Variants in KCNH1 observed in about 807,000 individuals in gnomAD.
KCNH1 encodes the protein voltage-gated delayed rectifier potassium channel KCNH1.
KCNH1 carries 27 observed loss-of-function variants against 69.2 expected under a neutral mutation model. The ratio of observed to expected loss-of-function variants is 0.39; its 90% CI spans 0.29 to 0.54. The LOEUF is 0.54. KCNH1 is among the 20% of genes least tolerant of loss of function. The probability of loss-of-function intolerance (pLI) is 0.68; values close to 1 mark genes in which losing one functional copy is unlikely to be tolerated. For missense variants in KCNH1, 798 were observed against 1,261.6 expected (o/e 0.63, Z 5.57); for synonymous variants, 456 against 487.7 (o/e 0.93, Z 0.86).
chr1:210,910,822 T>C (rs1183025792), intron 7 of KCNH1, among the ~76,000 whole-genome samples: 1 of 152,260 alleles, frequency 6.6e-6, no homozygotes. Context: ...TTAATACTGT[T>C]ATTACTTACC....
chr1:210,994,425 A>T (rs1439257729), intron 6 of KCNH1, among the ~76,000 whole-genome samples: 2 of 152,206 alleles, frequency 1.3e-5, no homozygotes, highest in Non-Finnish European at 2.9e-5. Flanking sequence ...AGAAGATTAT[A>T]CAACATAAAA....
chr1:210,915,752 A>ATTTAG (rs1687322208), intron 7 of KCNH1, among the ~76,000 whole-genome samples: 1 of 152,176 alleles, frequency 6.6e-6, no homozygotes, highest in African/African-American at 2.4e-5. Flanking sequence ...GCTTGAAAAT[A>ATTTAG]TTTAGTTTTC....
At chr1:210,843,786 G>A (rs769546243) in intron 7 of KCNH1, among the ~76,000 whole-genome samples, 54 of 152,266 alleles carry the variant, frequency 3.5e-4, no homozygotes, top group Non-Finnish European at 6.0e-4. Flanking sequence ...AGCTATCAGC[G>A]TCATCTAGTT....
chr1:210,881,614 C>G (rs911507259), intron 7 of KCNH1, among the ~76,000 whole-genome samples: 6 of 152,090 alleles, frequency 3.9e-5, no homozygotes, highest in Non-Finnish European at 8.8e-5. Flanking sequence ...TTCATAATTG[C>G]CAAAACTTGG....
intron 6 of KCNH1, among the ~76,000 whole-genome samples, chr1:210,977,052 A>C (rs1040084915): frequency 6.6e-6 from 1 of 152,238 alleles, no homozygotes; most frequent in Admixed American, 6.5e-5. Flanking sequence ...ACTTGGAACC[A>C]ACCCAAATGT....
At position 210,865,519 on chromosome 1, in the gene KCNH1, G is replaced by GA. The variant is rs373058938; in HGVS notation, c.1462+54120dup. Among the ~76,000 whole-genome samples the GA allele has an allele frequency of 4.1e-3, 596 of 146,210 alleles. 4 individuals are homozygous for GA. Among genetic ancestry groups the GA allele is most frequent in the Non-Finnish European group, 3.5e-3 (228 of 66,040 alleles). ...AGGGCAGTAGGAATAAGGTAGCAAA[G>GA]AAAAAAAAAAGGCAGCTGTTCATTT... On this transcript the variant is annotated intron_variant, in intron 7 of 10. Transcript: ENST00000271751.
intron 7 of KCNH1, among the ~76,000 whole-genome samples, chr1:210,851,454 A>G (rs1408731062): frequency 6.6e-6 from 1 of 152,214 alleles, no homozygotes; most frequent in Non-Finnish European, 1.5e-5. Flanking sequence ...TTAGTGTCAT[A>G]CCTCTGCCAT....
chr1:211,050,260 T>TAAAAAAAAAAAAAAAAAAAAAAAAAAAAA lies in KCNH1; in HGVS notation c.559-31033_559-31005dup, dbSNP rs747498526. ...AGGACAAACTCAGCCCACACATTCT[T>TAAAAAAAAAAAAAAAAAAAAAAAAAAAAA]AAAAAAAAAAAAAAAAAAAAAAAAA... On this transcript the variant is annotated intron_variant, in intron 5 of 10. Coordinates refer to ENST00000271751, the MANE Select transcript of KCNH1 (RefSeq NM_172362.3). Among the ~76,000 whole-genome samples the TAAAAAAAAAAAAAAAAAAAAAAAAAAAAA allele has an allele frequency of 1.0e-4, 6 of 58,576 alleles. 2 individuals carry two copies. The highest frequency in any genetic ancestry group is 1.2e-4 in the Non-Finnish European group (4 of 32,570). 38.4% of individuals were successfully genotyped at this position (58,576 alleles called of 152,430 possible). A position where few individuals can be genotyped will look rare whatever the true frequency, so the allele number is the denominator to read the frequency against.
At chr1:210,943,398 G>C (rs984861774) in intron 6 of KCNH1, among the ~76,000 whole-genome samples, 2 of 151,668 alleles carry the variant, frequency 1.3e-5, no homozygotes, top group African/African-American at 4.9e-5. Context: ...GCCCAGGCTG[G>C]AGTGCAGTGG....
intron 5 of KCNH1, among the ~76,000 whole-genome samples, chr1:211,050,281 A>AAAAAAAAAAAAAAAAAAAAAG (rs1690176287): frequency 6.8e-6 from 1 of 147,282 alleles, no homozygotes; most frequent in Admixed American, 6.8e-5. Context: ...AAAAAAAAAA[A>AAAAAAAAAAAAAAAAAAAAAG]AAAAAAAAAG....
chr1:210,862,281 C>T, intron 7 of KCNH1: 2 of 943,878 alleles, frequency 2.1e-6, no homozygotes, highest in Non-Finnish European at 3.4e-6. Flanking sequence ...TGTTGGGGTC[C>T]ATTGCAGCAT....
intron 9 of KCNH1, among the ~76,000 whole-genome samples, chr1:210,784,944 C>T (rs941772493): frequency 3.3e-5 from 5 of 152,138 alleles, no homozygotes; most frequent in African/African-American, 1.2e-4. Flanking sequence ...CCATCTCTCT[C>T]CACGCAGTTC....
chr1:210,965,154 G>A (rs1040717315), intron 6 of KCNH1, among the ~76,000 whole-genome samples: 17 of 152,072 alleles, frequency 1.1e-4, no homozygotes, highest in African/African-American at 3.6e-4. Context: ...TACTGAATGG[G>A]CAAAAACTGG....
In KCNH1 at chr1:210,947,307, T is replaced by G. The variant is rs149897278; in HGVS notation, c.1033-27238A>C. On this transcript the variant is annotated intron_variant, in intron 6 of 10. Transcript: ENST00000271751. ...ATTCTTGGCCAGGCGCGGTGGCTCA[T>G]GCCTGTAATCCCAGCACTTTGGGAG... 3.1e-3 allele frequency among the ~76,000 whole-genome samples: 465 copies of G among 152,152 alleles called. 18 individuals are homozygous for G. In the East Asian group the frequency reaches 0.073, roughly 24 times the overall value.
chr1:210,934,713 C>T (rs542464900), intron 6 of KCNH1, among the ~76,000 whole-genome samples: 2 of 151,628 alleles, frequency 1.3e-5, no homozygotes, highest in South Asian at 2.1e-4. Flanking sequence ...TAAGGAAATG[C>T]AAGTCAAAAC....
rs549656630 is a variant in KCNH1, at chr1:210,893,032, C to T, written c.1462+26608G>A. Among the ~76,000 whole-genome samples, 384 of 152,272 alleles carry T rather than the reference C, an allele frequency of 2.5e-3. 2 individuals are homozygous for T. Among genetic ancestry groups the T allele is most frequent in the African/African-American group, 8.8e-3 (365 of 41,556 alleles). On this transcript the variant is annotated intron_variant, in intron 7 of 10. Coordinates refer to ENST00000271751, the MANE Select transcript of KCNH1 (RefSeq NM_172362.3). ...GGGTCGGAGGAAAAGTGGTAGTCAT[C>T]TGAACTGAGTCATTAAGGACTGGCA...
chr1:211,089,802 A>G (rs1344007202), intron 4 of KCNH1, among the ~76,000 whole-genome samples: 2 of 152,170 alleles, frequency 1.3e-5, no homozygotes, highest in East Asian at 3.8e-4. Context: ...AGTGTGAGCT[A>G]TGAACGAGGG....
chr1:210,873,851 T>A (rs546660682), intron 7 of KCNH1, among the ~76,000 whole-genome samples: 5 of 151,898 alleles, frequency 3.3e-5, no homozygotes, highest in African/African-American at 9.7e-5. Context: ...CAATAGACAA[T>A]GAGATAGTAG....
At chr1:210,918,315 G>C (rs982135712) in intron 7 of KCNH1, among the ~76,000 whole-genome samples, 1 of 152,192 alleles carries the variant, frequency 6.6e-6, no homozygotes, top group Non-Finnish European at 1.5e-5. Flanking sequence ...TCTACCTACT[G>C]AAACAAGAAC....
Sources: gnomAD v4.1 joint callset for allele counts (sites outside exome capture counted in the v4.1 genomes callset) on GRCh38, gnomAD v4.1.1 for gene constraint, MANE v1.5 for transcripts, NCBI Gene and HGNC (gene_info 2026-07-23, HGNC 2026-07-21) for gene names.